Variants in DLC1 observed in about 807,000 individuals in gnomAD.
DLC1 encodes rho GTPase-activating protein 7.
DLC1 carries 54 observed loss-of-function variants against 140.3 expected under a neutral mutation model. The observed-to-expected ratio is 0.38, with a 90% CI of 0.31 to 0.48. DLC1 has a LOEUF of 0.48. DLC1 is among the 20% of genes least tolerant of loss of function. The pLI, the probability that DLC1 is intolerant of heterozygous loss-of-function variation, is 0.96. For missense variants in DLC1, 2,536 were observed against 1,907.0 expected, an observed-to-expected ratio of 1.33 and a Z score of -6.14; for synonymous variants, 986 against 728.1, an observed-to-expected ratio of 1.35 and a Z score of -5.70.
rs531701365 is a variant in DLC1, at chr8:13,602,697, A to C, written c.-126+1840T>G. Among the ~76,000 whole-genome samples the C allele has an allele frequency of 2.5e-3, 383 of 152,040 alleles. 1 individual carries two copies. Among genetic ancestry groups the C allele is most frequent in the Admixed American group, 7.3e-3 (112 of 15,250 alleles). On this transcript the variant is annotated intron_variant, in intron 1 of 1. Transcript: ENST00000631382. ...GAATTTTTATGTATCTTAAAAAGTT[A>C]TGACAAGATAATTTTTCCCCAGTTG...
At chr8:13,361,803 T>A (rs1835239414) in intron 4 of DLC1, among the ~76,000 whole-genome samples, 1 of 152,214 alleles carries the variant, frequency 6.6e-6, no homozygotes, top group Admixed American at 6.5e-5. Flanking sequence ...TGAAAAGGGC[T>A]GACAGTAGGC....
intron 1 of DLC1, among the ~76,000 whole-genome samples, chr8:13,557,321 G>C (rs539519918): frequency 6.6e-6 from 1 of 152,304 alleles, no homozygotes; most frequent in South Asian, 2.1e-4. Context: ...GTGAGGGCCA[G>C]TGTCTCAGCT....
At position 13,200,631 on chromosome 8, in the gene DLC1, G is replaced by A. The variant is rs933073842; in HGVS notation, c.1349-84974C>T. Among the ~76,000 whole-genome samples, 10 of 152,078 alleles carry A rather than the reference G, an allele frequency of 6.6e-5. 1 individual carries two copies. The highest frequency in any genetic ancestry group is 3.3e-4 in the Admixed American group (5 of 15,264). Reference sequence around the variant, plus strand: ...GTGTGTTTTTTTTTAGAGAGGCAGAGTCTCACTCTGTTGCCCAGGCTGGCC... The same window carrying A: ...GTGTGTTTTTTTTTAGAGAGGCAGAATCTCACTCTGTTGCCCAGGCTGGCC... On this transcript the variant is annotated intron_variant, in intron 5 of 17. Transcript: ENST00000276297.
At chr8:13,352,713 C>T (rs1220815519) in intron 4 of DLC1, among the ~76,000 whole-genome samples, 1 of 152,118 alleles carries the variant, frequency 6.6e-6, no homozygotes, top group Admixed American at 6.6e-5. Flanking sequence ...AATAGATTAA[C>T]TCAGTCATTA....
chr8:13,319,133 A>G (rs1223670304), intron 4 of DLC1, among the ~76,000 whole-genome samples: 1 of 152,216 alleles, frequency 6.6e-6, no homozygotes, highest in Non-Finnish European at 1.5e-5. Flanking sequence ...CTCAAACGTA[A>G]TTGGTTCAGT....
intron 5 of DLC1, among the ~76,000 whole-genome samples, chr8:13,160,015 G>A (rs889295098): frequency 6.6e-5 from 10 of 152,074 alleles, no homozygotes; most frequent in East Asian, 1.9e-4. Context: ...AAAATTAGCC[G>A]GGTGTCCTGG....
At chr8:13,443,097 C>A (rs1400964772) in intron 2 of DLC1, among the ~76,000 whole-genome samples, 1 of 151,290 alleles carries the variant, frequency 6.6e-6, no homozygotes, top group East Asian at 1.9e-4. Flanking sequence ...AGCAAACTAT[C>A]TCAAGGACAA....
At chr8:13,293,916 C>T (rs368099087) in intron 5 of DLC1, among the ~76,000 whole-genome samples, 12 of 152,046 alleles carry the variant, frequency 7.9e-5, no homozygotes, top group Non-Finnish European at 1.2e-4. Context: ...AAAATACCAA[C>T]GGAATTAGAA....
rs1490576286 is a variant in DLC1 at position 13,500,177 on chromosome 8, G to A, written c.-106C>T. ...AAAATCACCAATCAAAGAAGCGAAT[G>A]AGTTCTGTCATTTCACCACCTATTA... On this transcript the variant is annotated 5_prime_UTR_variant, in exon 2 of 18. Transcript: ENST00000276297. 3.8e-6 allele frequency: 4 copies of A among 1,051,064 alleles called. No individual in the cohort carries two copies. Among genetic ancestry groups the A allele is most frequent in the Admixed American group, 2.4e-5 (1 of 41,564 alleles). The allele number at this position is 1,051,064 out of a possible 1,614,324, so 65.1% of individuals were successfully genotyped here. A position where few individuals can be genotyped will look rare whatever the true frequency, so the allele number is the denominator to read the frequency against.
At chr8:13,222,638 G>T (rs1341835720) in intron 5 of DLC1, among the ~76,000 whole-genome samples, 1 of 152,080 alleles carries the variant, frequency 6.6e-6, no homozygotes, top group Non-Finnish European at 1.5e-5. Context: ...AGCTTCTGCT[G>T]CTTATTTTCA....
chr8:13,210,710 C>T (rs755661510), intron 5 of DLC1, among the ~76,000 whole-genome samples: 14 of 152,098 alleles, frequency 9.2e-5, no homozygotes, highest in Non-Finnish European at 1.6e-4. Context: ...TCAATAGAAC[C>T]GCTTTAGGTT....
intron 5 of DLC1, among the ~76,000 whole-genome samples, chr8:13,189,868 G>C (rs1826642455): frequency 7.5e-6 from 1 of 134,106 alleles, no homozygotes; most frequent in Non-Finnish European, 1.6e-5. Context: ...GGCAACAAGA[G>C]CGAAACTCCA....
intron 1 of DLC1, among the ~76,000 whole-genome samples, chr8:13,520,806 G>C (rs986366056): frequency 9.2e-5 from 14 of 152,034 alleles, no homozygotes; most frequent in Non-Finnish European, 1.3e-4. Flanking sequence ...CCTGCCCATA[G>C]AGGCTGAGGC....
intron 7 of DLC1, among the ~76,000 whole-genome samples, chr8:13,107,119 A>G (rs138618466): frequency 2.6e-5 from 4 of 152,380 alleles, no homozygotes; most frequent in African/African-American, 9.6e-5. Context: ...AACCCCTTGC[A>G]GTGTGAATGT....
At chr8:13,430,311 G>T (rs555156690) in intron 2 of DLC1, among the ~76,000 whole-genome samples, 1 of 152,004 alleles carries the variant, frequency 6.6e-6, no homozygotes, top group Non-Finnish European at 1.5e-5. Context: ...AGAAACAAAG[G>T]CCTTTGAAAA....
intron 1 of DLC1, among the ~76,000 whole-genome samples, chr8:13,557,115 A>G (rs560359783): frequency 6.6e-6 from 1 of 152,116 alleles, no homozygotes; most frequent in Non-Finnish European, 1.5e-5. Flanking sequence ...ATGTTATTCT[A>G]TTTCTAGGGA....
At chr8:13,229,199 T>G (rs1466461100) in intron 5 of DLC1, among the ~76,000 whole-genome samples, 1 of 152,106 alleles carries the variant, frequency 6.6e-6, no homozygotes. Context: ...CAACTGGACA[T>G]TTGGATAAAT....
intron 2 of DLC1, among the ~76,000 whole-genome samples, chr8:13,484,116 A>G (rs989776743): frequency 6.6e-6 from 1 of 152,136 alleles, no homozygotes; most frequent in Non-Finnish European, 1.5e-5. Context: ...AATAAAGACA[A>G]TCTGAGCTGC....
At chr8:13,194,870 T>A (rs1826958485) in intron 5 of DLC1, among the ~76,000 whole-genome samples, 1 of 151,826 alleles carries the variant, frequency 6.6e-6, no homozygotes, top group African/African-American at 2.4e-5. Context: ...ATTAGCTGGG[T>A]GTGGTGGCAT....
Sources: gnomAD v4.1 joint callset for allele counts (sites outside exome capture counted in the v4.1 genomes callset) on GRCh38, gnomAD v4.1.1 for gene constraint, MANE v1.5 for transcripts, NCBI Gene and HGNC (gene_info 2026-07-23, HGNC 2026-07-21) for gene names.